SAMD4A: variants seen among roughly 807,000 people sequenced by gnomAD.
SAMD4A encodes the protein sterile alpha motif domain containing 4A.
Under a neutral mutation model 81.3 loss-of-function variants are expected in SAMD4A, and 33 were observed. The observed-to-expected ratio is 0.41, with a 90% CI of 0.31 to 0.54. SAMD4A has a LOEUF of 0.54. SAMD4A is among the 20% of genes least tolerant of loss of function. The pLI is 0.37. For missense variants in SAMD4A, 854 were observed against 951.1 expected (o/e 0.90, Z 1.34); for synonymous variants, 389 against 382.1 (o/e 1.02, Z -0.21).
intron 4 of SAMD4A, among the ~76,000 whole-genome samples, chr14:54,740,613 C>CTACA (rs1418414664): frequency 6.6e-6 from 1 of 152,216 alleles, no homozygotes; most frequent in Non-Finnish European, 1.5e-5. Flanking sequence ...CCAGGTCTGG[C>CTACA]TACACATCCT....
intron 2 of SAMD4A, among the ~76,000 whole-genome samples, chr14:54,614,401 G>C (rs564233697): frequency 6.6e-6 from 1 of 152,074 alleles, no homozygotes; most frequent in Non-Finnish European, 1.5e-5. Context: ...AGTGTAAATG[G>C]GTCTAAAGAC....
intron 2 of SAMD4A, among the ~76,000 whole-genome samples, chr14:54,648,523 G>C (rs2035333281): frequency 6.6e-6 from 1 of 152,204 alleles, no homozygotes; most frequent in Admixed American, 6.5e-5. Context: ...CAGAGAAGCA[G>C]GTTGGTAGAT....
At chr14:54,602,478 G>A (rs1375209633) in intron 2 of SAMD4A, among the ~76,000 whole-genome samples, 1 of 152,020 alleles carries the variant, frequency 6.6e-6, no homozygotes, top group East Asian at 1.9e-4. Context: ...ACTAGTACAA[G>A]CTAGCTTAAG....
intron 11 of SAMD4A, among the ~76,000 whole-genome samples, chr14:54,780,868 C>T (rs1175906817): frequency 6.6e-6 from 1 of 152,100 alleles, no homozygotes; most frequent in Non-Finnish European, 1.5e-5. Flanking sequence ...TTACTCCTGC[C>T]ACCCTCCATG....
At chr14:54,688,131 C>T (rs780586901) in intron 2 of SAMD4A, 3 of 985,298 alleles carry the variant, frequency 3.0e-6, no homozygotes, top group African/African-American at 1.7e-5. Context: ...TGCTCAGCTC[C>T]GTATAACCTG....
At chr14:54,787,211 G>A (rs1011129033) in intron 12 of SAMD4A, among the ~76,000 whole-genome samples, 1 of 152,152 alleles carries the variant, frequency 6.6e-6, no homozygotes, top group African/African-American at 2.4e-5. Context: ...TTGGCCTCTA[G>A]GATTGGTGAT....
intron 2 of SAMD4A, among the ~76,000 whole-genome samples, chr14:54,595,063 CTT>C (rs1455537255): frequency 6.6e-6 from 1 of 152,208 alleles, no homozygotes; most frequent in African/African-American, 2.4e-5. Context: ...AGAGTACAAA[CTT>C]ATAAAACTTG....
chr14:54,588,358 T>G (rs1223205117), intron 2 of SAMD4A, among the ~76,000 whole-genome samples: 2 of 145,706 alleles, frequency 1.4e-5, no homozygotes, highest in Non-Finnish European at 2.9e-5. Flanking sequence ...TTTTGTATTT[T>G]TTTTTTGTTG....
intron 10 of SAMD4A, among the ~76,000 whole-genome samples, chr14:54,776,166 G>A (rs1343944603): frequency 6.6e-6 from 1 of 152,172 alleles, no homozygotes; most frequent in Non-Finnish European, 1.5e-5. Context: ...TGCAGATAGG[G>A]AAAGAGGTGT....
chr14:54,773,722 A>T (rs751609834), intron 9 of SAMD4A, among the ~76,000 whole-genome samples: 1 of 152,222 alleles, frequency 6.6e-6, no homozygotes, highest in Non-Finnish European at 1.5e-5. Context: ...TCTGTGTCCT[A>T]GGTCCAGAAC....
In SAMD4A at chr14:54,609,607, A is replaced by T. The variant is rs550623613; in HGVS notation, c.196+41495A>T. ...AGATGCTTTAATGGAGGGCTAATTTATGACGTCTGGAAAGGAAGGTAAATT... is the reference window on the plus strand; with the variant it reads ...AGATGCTTTAATGGAGGGCTAATTTTTGACGTCTGGAAAGGAAGGTAAATT... On this transcript the variant is annotated intron_variant, in intron 2 of 12. Transcript: ENST00000554335. Among the ~76,000 whole-genome samples the T allele has an allele frequency of 2.6e-5, 4 of 152,344 alleles. No homozygotes were observed. The East Asian group carries it at 7.7e-4, about 29-fold the overall frequency.
At chr14:54,566,038 C>G (rs1208778336), upstream of SAMD4A, among the ~76,000 whole-genome samples, 12 of 152,110 alleles carry the variant, frequency 7.9e-5, no homozygotes, top group Admixed American at 7.2e-4. Context: ...CTCGGGCGCT[C>G]CCTGCCAAGC....
chr14:54,682,193 T>A, intron 2 of SAMD4A: 1 of 347,488 alleles, frequency 2.9e-6, no homozygotes, highest in Non-Finnish European at 4.1e-6. Flanking sequence ...GAGGTATGAG[T>A]TTATAGGGGA....
intron 2 of SAMD4A, among the ~76,000 whole-genome samples, chr14:54,701,825 G>A (rs986022701): frequency 2.0e-5 from 3 of 152,192 alleles, no homozygotes; most frequent in Non-Finnish European, 4.4e-5. Context: ...TTGGAAACAC[G>A]AATGAGAATT....
At chr14:54,748,680 C>T in intron 4 of SAMD4A, 135 bp from the exon 5 acceptor site, 1 of 635,888 alleles carries the variant, frequency 1.6e-6, no homozygotes, top group East Asian at 2.7e-5. Context: ...TACATAGTAA[C>T]ATAAAGGTGT....
chr14:54,712,944 A>G (rs1017660563), intron 3 of SAMD4A, among the ~76,000 whole-genome samples: 1 of 152,152 alleles, frequency 6.6e-6, no homozygotes, highest in African/African-American at 2.4e-5. Context: ...CTAGCCTGGA[A>G]GAGGGGAGGA....
rs948578399 is a variant in SAMD4A at position 54,774,966 on chromosome 14, C to T, written c.1748C>T (p.Thr583Met). The T allele has an allele frequency of 9.9e-6, 16 of 1,614,114 alleles. No homozygotes were observed. The highest frequency in any genetic ancestry group is 5.5e-5 in the South Asian group (5 of 91,080). Residue 583 changes from threonine to methionine, a missense_variant, in exon 10 of 13, where the codon ACG becomes ATG. Physicochemically the swap from Thr to Met is moderately conservative, Grantham distance 81 (BLOSUM62 -1). Around this residue, in one of 3 missense-constraint regions of SAMD4A, gnomAD observed 428 missense variants for 471.2 expected, o/e 0.91. Transcript: ENST00000554335. ...TTTGGGCAATCCAACTCCCTCCCGACGGCTGGCTCTGTGGGCGGTGGCATG... is the reference window on the plus strand; with the variant it reads ...TTTGGGCAATCCAACTCCCTCCCGATGGCTGGCTCTGTGGGCGGTGGCATG... ...RGFGQSNSLP[T>M]AGSVGGGMGR...
intron 8 of SAMD4A, among the ~76,000 whole-genome samples, chr14:54,768,213 T>C (rs1425068871): frequency 6.6e-6 from 1 of 152,198 alleles, no homozygotes; most frequent in Non-Finnish European, 1.5e-5. Context: ...TGTTGAATAC[T>C]TAACGCGATG....
intron 2 of SAMD4A, among the ~76,000 whole-genome samples, chr14:54,609,708 T>G (rs913357557): frequency 6.6e-6 from 1 of 152,218 alleles, no homozygotes; most frequent in African/African-American, 2.4e-5. Context: ...CACGCTGCCC[T>G]TTTTTCTCTG....
Sources: gnomAD v4.1 joint callset for allele counts (sites outside exome capture counted in the v4.1 genomes callset) on GRCh38, gnomAD v4.1.1 for gene constraint, gnomAD v4.1.1 regional missense constraint, MANE v1.5 for transcripts, NCBI Gene and HGNC (gene_info 2026-07-23, HGNC 2026-07-21) for gene names.